SEPTIN11: variants seen among roughly 807,000 people sequenced by gnomAD.
SEPTIN11 encodes the protein septin-11.
In SEPTIN11, 25 loss-of-function variants were observed where a neutral mutation model predicts 51.4. The ratio of observed to expected loss-of-function variants is 0.49; its 90% confidence interval spans 0.35 to 0.68. SEPTIN11 has a LOEUF of 0.68. Ranked by LOEUF, SEPTIN11 falls within the 30% of genes least tolerant of loss-of-function variation. SEPTIN11 has a pLI of 0.00. For synonymous variants in SEPTIN11, 174 were observed against 184.1 expected, an observed-to-expected ratio of 0.95 and a Z score of 0.44; for missense variants, 381 against 520.8, an observed-to-expected ratio of 0.73 and a Z score of 2.61.
chr4:77,020,543 A>C lies in SEPTIN11; in HGVS notation c.826A>C (p.Met276Leu). ...NHCDFVKLREMLIRVNMEDLR... is the reference protein window; with the variant it reads ...NHCDFVKLRELLIRVNMEDLR... Reference sequence around the variant, plus strand: ...TTGCGATTTTGTGAAACTTCGAGAGATGCTGATCCGCGTGAACATGGAGGA... The same window carrying C: ...TTGCGATTTTGTGAAACTTCGAGAGCTGCTGATCCGCGTGAACATGGAGGA... Residue 276 changes from methionine (M) to leucine (L), a missense_variant, in exon 7 of 10, where the codon ATG becomes CTG. By Grantham distance (15) the Met-to-Leu change is conservative. This residue lies in a region of SEPTIN11 where 197 missense variants were observed against 313.1 expected (regional missense o/e 0.63). Transcript: ENST00000264893. 6.2e-7 allele frequency: 1 copy of C among 1,614,048 alleles called. No homozygotes were observed. Among genetic ancestry groups the C allele is most frequent in the Non-Finnish European group, 8.5e-7 (1 of 1,179,992 alleles).
At chr4:77,034,330 G>T (rs1015800222) in intron 9 of SEPTIN11, among the ~76,000 whole-genome samples, 167 bp from the exon 10 acceptor site, 3 of 152,224 alleles carry the variant, frequency 2.0e-5, no homozygotes, top group Non-Finnish European at 4.4e-5. Context: ...GCTTTGGCTT[G>T]TCATGTAGAG....
At chr4:77,016,633 C>CATATATATATATATAT (rs1234653472) in intron 5 of SEPTIN11, among the ~76,000 whole-genome samples, 1,227 of 72,524 alleles carry the variant, frequency 0.017, 70 homozygotes, top group Non-Finnish European at 0.023. Flanking sequence ...TATATATACA[C>CATATATATATATATAT]ATATATATAT....
chr4:76,995,786 A>G (rs997044408), intron 1 of SEPTIN11: 52 of 1,521,494 alleles, frequency 3.4e-5, no homozygotes, highest in African/African-American at 4.2e-5. Flanking sequence ...CCTAGTCTAC[A>G]TCGGTAAACT....
chr4:77,039,695 T>C, downstream of SEPTIN11: 1 of 984,668 alleles, frequency 1.0e-6, no homozygotes, highest in Middle Eastern at 5.2e-4. Context: ...ATGGCTGCAA[T>C]TTTTTTTCTT....
chr4:76,987,658 C>T (rs1443511052), intron 1 of SEPTIN11: 1 of 152,580 alleles, frequency 6.6e-6, no homozygotes, highest in Non-Finnish European at 1.5e-5. Flanking sequence ...GAGTGTGTAT[C>T]TACAGAAATG....
chr4:76,965,745 T>A (rs1722010957), intron 1 of SEPTIN11, among the ~76,000 whole-genome samples: 1 of 152,182 alleles, frequency 6.6e-6, no homozygotes, highest in East Asian at 1.9e-4. Flanking sequence ...CTTTTATAGT[T>A]TAATTTAGGA....
rs1231149418 is a variant in SEPTIN11, at chr4:77,008,093, C to T, written c.338+2297C>T. On this transcript the variant is annotated intron_variant, in intron 3 of 9. Transcript: ENST00000264893. ...TCAGACCAGGCTAGCTAGAAGGAGGCAGGAAGAGAGATCTGGTAAGGTTTC... is the reference window on the plus strand; with the variant it reads ...TCAGACCAGGCTAGCTAGAAGGAGGTAGGAAGAGAGATCTGGTAAGGTTTC... 2.6e-5 allele frequency among the ~76,000 whole-genome samples: 4 copies of T among 152,182 alleles called. No individual in the cohort carries two copies. The South Asian group carries it at 6.2e-4, about 24-fold the overall frequency.
chr4:77,005,931 T>C lies in SEPTIN11; in HGVS notation c.338+135T>C. 8.1e-6 allele frequency: 6 copies of C among 745,260 alleles called. No individual in the cohort carries two copies. In the South Asian group the frequency reaches 1.2e-4, roughly 14 times the overall value. 46.2% of individuals were successfully genotyped at this position (745,260 alleles called of 1,614,324 possible). ...GTCCTCTATTGCCTAAAAGGTGTGA[T>C]ATTCTTGTCCTCTGAGAATTTTTCT... is the stretch of plus-strand genomic sequence containing the variant. On this transcript the variant is annotated intron_variant, in intron 3 of 9. Transcript: ENST00000264893.
intron 9 of SEPTIN11, among the ~76,000 whole-genome samples, chr4:77,033,856 G>A (rs1457008113): frequency 1.3e-5 from 2 of 152,128 alleles, no homozygotes; most frequent in African/African-American, 4.8e-5. Context: ...AAGGTTGCAT[G>A]TTTTGCAGTT....
chr4:76,991,798 CT>C (rs1229636322), intron 1 of SEPTIN11, among the ~76,000 whole-genome samples: 1 of 152,188 alleles, frequency 6.6e-6, no homozygotes, highest in African/African-American at 2.4e-5. Flanking sequence ...TGTAAAACCT[CT>C]TAAGGGTCGG....
intron 1 of SEPTIN11, among the ~76,000 whole-genome samples, chr4:76,950,839 C>T (rs1721303935): frequency 6.6e-6 from 1 of 152,160 alleles, no homozygotes; most frequent in African/African-American, 2.4e-5. Flanking sequence ...GGGGCGGCGG[C>T]GGCCTTTCCT....
chr4:76,995,948 G>A, intron 1 of SEPTIN11: 1 of 1,535,298 alleles, frequency 6.5e-7, no homozygotes, highest in African/African-American at 1.4e-5. Context: ...GGTAGGTAGA[G>A]CATTGTCATC....
intron 2 of SEPTIN11, among the ~76,000 whole-genome samples, 164 bp downstream of exon 2, chr4:76,996,703 AG>A (rs1723741783): frequency 6.6e-6 from 1 of 152,204 alleles, no homozygotes; most frequent in South Asian, 2.1e-4. Flanking sequence ...CAAGTTATAA[AG>A]ATTGAGAGCT....
At chr4:77,001,054 G>A (rs1724085088) in intron 2 of SEPTIN11, among the ~76,000 whole-genome samples, 1 of 152,030 alleles carries the variant, frequency 6.6e-6, no homozygotes, top group South Asian at 2.1e-4. Flanking sequence ...CAATCCCTCT[G>A]TTTTTCCCCC....
intron 1 of SEPTIN11, among the ~76,000 whole-genome samples, chr4:76,950,819 G>A (rs1721302713): frequency 6.6e-6 from 1 of 152,110 alleles, no homozygotes. Flanking sequence ...CCAAGTGAAA[G>A]GCGGAGGAAG....
At chr4:77,016,659 C>CACACAT (rs1553975155) in intron 5 of SEPTIN11, among the ~76,000 whole-genome samples, 4 of 65,704 alleles carry the variant, frequency 6.1e-5, no homozygotes, top group Admixed American at 1.6e-4. Flanking sequence ...TATATATACA[C>CACACAT]ATATATATAT....
chr4:76,952,748 C>T (rs1721399012), intron 1 of SEPTIN11, among the ~76,000 whole-genome samples: 1 of 152,186 alleles, frequency 6.6e-6, no homozygotes, highest in African/African-American at 2.4e-5. Context: ...GGGCTTAGCC[C>T]TAAGAAGACC....
chr4:77,020,470 C>A, intron 6 of SEPTIN11, 32 bp from the exon 7 acceptor site: 1 of 1,607,708 alleles, frequency 6.2e-7, no homozygotes, highest in South Asian at 1.1e-5. Context: ...CATTGCTAAT[C>A]CCACTTCCGC....
intron 1 of SEPTIN11, among the ~76,000 whole-genome samples, chr4:76,982,123 G>A (rs1722800957): frequency 6.6e-6 from 1 of 151,972 alleles, no homozygotes; most frequent in East Asian, 1.9e-4. Flanking sequence ...CTGCCCTTTG[G>A]GCCTCTTTCC....
Sources: allele counts gnomAD v4.1 joint callset (sites outside exome capture counted in the v4.1 genomes callset), GRCh38; gene constraint gnomAD v4.1.1; regional missense constraint gnomAD v4.1.1; transcripts MANE v1.5; gene names NCBI Gene and HGNC (gene_info 2026-07-23, HGNC 2026-07-21).